The following IL1RAP variants were observed in gnomAD, a reference collection of about 807,000 sequenced individuals.
IL1RAP encodes interleukin-1 receptor accessory protein.
Under a neutral mutation model 60.7 loss-of-function variants are expected in IL1RAP, and 35 were observed. That is an observed-to-expected ratio of 0.58 (90% confidence interval 0.44 to 0.76). The LOEUF (loss-of-function observed/expected upper bound fraction) is 0.76. Ranked by LOEUF, IL1RAP falls within the 30% of genes least tolerant of loss-of-function variation. IL1RAP has a pLI of 0.00. For missense variants in IL1RAP, 572 were observed against 693.9 expected, an observed-to-expected ratio of 0.82 and a Z score of 1.97; for synonymous variants, 268 against 250.9, an observed-to-expected ratio of 1.07 and a Z score of -0.64.
At chr3:190,559,845 A>G (rs554972445) in intron 2 of IL1RAP, among the ~76,000 whole-genome samples, 1 of 152,310 alleles carries the variant, frequency 6.6e-6, no homozygotes, top group African/African-American at 2.4e-5. Context: ...TACTTTTAGA[A>G]TCCTCAAACA....
exon 12 of IL1RAP, chr3:190,658,551 C>T (rs758157457): frequency 5.9e-5 from 9 of 152,132 alleles, no homozygotes; most frequent in South Asian, 2.1e-4. Flanking sequence ...ATAAGAAGAA[C>T]GAAGTCTGCT....
chr3:190,582,122 T>C (rs1055167485), intron 3 of IL1RAP, among the ~76,000 whole-genome samples: 1 of 152,210 alleles, frequency 6.6e-6, no homozygotes, highest in African/African-American at 2.4e-5. Flanking sequence ...TTAATTTGCT[T>C]AGTTCTTGAC....
rs1236671977 is a variant in IL1RAP, at chr3:190,651,068, A to G, written c.*2363A>G. The G allele has an allele frequency of 1.0e-6, 1 of 985,004 alleles. No homozygotes were observed. The highest frequency in any genetic ancestry group is 1.7e-5 in the African/African-American group (1 of 57,230). The allele number at this position is 985,004 out of a possible 1,614,324, so 61.0% of individuals were successfully genotyped here. Reference sequence around the variant, plus strand: ...GTATCATTGCAAGAGAATTTGTTTCAAGATTTTTTTTTAATGTTCCAGAAG... The same window carrying G: ...GTATCATTGCAAGAGAATTTGTTTCGAGATTTTTTTTTAATGTTCCAGAAG... On this transcript the variant is annotated 3_prime_UTR_variant, in exon 12 of 12. Coordinates refer to ENST00000447382, the MANE Select transcript of IL1RAP (RefSeq NM_002182.4).
rs575314133 is a variant in IL1RAP, at chr3:190,630,244, TG to T, written c.1051+748del. On this transcript the variant is annotated intron_variant, in intron 9 of 11. Transcript: ENST00000447382. ...TAGTACTATATTATTCTACAATAAA[TG>T]GAAATTATAAAGCCTTCTTGTCAGA... The T allele has an allele frequency of 3.5e-5, 30 of 858,166 alleles. No individual in the cohort carries two copies. In the African/African-American group the frequency reaches 5.3e-4, roughly 15 times the overall value. 53.2% of individuals were successfully genotyped at this position (858,166 alleles called of 1,614,324 possible).
At chr3:190,556,537 G>A (rs771277430) in intron 2 of IL1RAP, among the ~76,000 whole-genome samples, 2 of 152,150 alleles carry the variant, frequency 1.3e-5, no homozygotes, top group Non-Finnish European at 2.9e-5. Flanking sequence ...GAAACCTCCT[G>A]AGCCACGATT....
At chr3:190,554,027 C>T (rs7640668) in intron 1 of IL1RAP, among the ~76,000 whole-genome samples, 2 of 139,314 alleles carry the variant, frequency 1.4e-5, no homozygotes, top group African/African-American at 5.5e-5. Flanking sequence ...CGCCACTGCA[C>T]TCCAGCCTGG....
At chr3:190,631,123 C>G (rs557521229) in intron 9 of IL1RAP, among the ~76,000 whole-genome samples, 107 of 152,230 alleles carry the variant, frequency 7.0e-4, no homozygotes, top group African/African-American at 2.6e-3. Flanking sequence ...ATGGGAATAT[C>G]TGCGGGAAGT....
At position 190,649,713 on chromosome 3, in the gene IL1RAP, G is replaced by C. The variant is rs554925924; in HGVS notation, c.*1008G>C. ...GGCGGAGGTCAGTCTTAGTGGCCTT[G>C]AGAGTTGCTTTTGGCATTAATATTC... On this transcript the variant is annotated 3_prime_UTR_variant, in exon 12 of 12. Transcript: ENST00000447382. 1.0e-6 allele frequency: 1 copy of C among 985,802 alleles called. No homozygotes were observed. The highest frequency in any genetic ancestry group is 6.1e-5 in the Admixed American group (1 of 16,286). 61.1% of individuals were successfully genotyped at this position (985,802 alleles called of 1,614,324 possible).
rs772011861 is a variant in IL1RAP, at chr3:190,648,443, A to G, written c.1451A>G (p.Lys484Arg). ...GGAACCCAAGCCCTCCTGGAGCTCA[A>G]GGCTGGCCTAGAAAATATGGCCTCT... The part of the protein sequence containing the change: ...LQGTQALLEL[K>R]AGLENMASRG... The change falls in exon 12 of 12, where the codon AAG becomes AGG. Residue 484 changes from lysine (K) to arginine (R), a missense_variant. By Grantham distance (26) the Lys-to-Arg change is conservative. Transcript: ENST00000447382. 6.2e-7 allele frequency: 1 copy of G among 1,614,148 alleles called. No individual in the cohort carries two copies. The highest frequency in any genetic ancestry group is 1.1e-5 in the South Asian group (1 of 91,078).
chr3:190,575,631 C>T (rs13320299), intron 3 of IL1RAP, among the ~76,000 whole-genome samples: 4,341 of 152,176 alleles, frequency 0.029, 228 homozygotes, highest in African/African-American at 0.099. Flanking sequence ...AAACATGCGA[C>T]GAAGAGGAAG....
At chr3:190,565,975 C>G (rs969518741) in intron 3 of IL1RAP, among the ~76,000 whole-genome samples, 2 of 151,774 alleles carry the variant, frequency 1.3e-5, no homozygotes, top group Admixed American at 6.6e-5. Context: ...CTCCTCCTCC[C>G]TCTTCCTCTT....
chr3:190,609,675 G>A (rs1045135287), intron 5 of IL1RAP, among the ~76,000 whole-genome samples: 5 of 152,112 alleles, frequency 3.3e-5, no homozygotes, highest in Non-Finnish European at 5.9e-5. Flanking sequence ...GGAAGGTAGC[G>A]CTTGTAGCAG....
chr3:190,604,542 C>CTGCAGCTT, intron 4 of IL1RAP, 129 bp downstream of exon 4: 1 of 988,524 alleles, frequency 1.0e-6, no homozygotes, highest in Non-Finnish European at 1.5e-6. Context: ...AGGTAATTGT[C>CTGCAGCTT]TGCAGCTTAG....
Position 190,604,186 on chromosome 3 carries a change from G to A in IL1RAP, c.123G>A (p.Glu41=), listed in dbSNP as rs768922676. ...TMRQIQVFED[E]PARIKCPLFE... is the part of the protein sequence containing the mutation. ...GGCAAATCCAAGTGTTTGAAGATGA[G>A]CCAGCTCGCATCAAGTGCCCACTCT... The change falls in exon 4 of 12, where the codon GAG becomes GAA. Residue 41 remains glutamate, a synonymous_variant. Transcript: ENST00000447382. The A allele has an allele frequency of 5.6e-6, 9 of 1,613,930 alleles. No homozygotes were observed. The highest frequency in any genetic ancestry group is 7.6e-6 in the Non-Finnish European group (9 of 1,179,986).
intron 9 of IL1RAP, among the ~76,000 whole-genome samples, chr3:190,635,891 C>T (rs774004050): frequency 6.6e-6 from 1 of 152,100 alleles, no homozygotes; most frequent in Non-Finnish European, 1.5e-5. Flanking sequence ...GTTCAAGTTC[C>T]GGACTCAGTG....
intron 1 of IL1RAP, among the ~76,000 whole-genome samples, chr3:190,540,875 C>T (rs1404388190): frequency 6.6e-6 from 1 of 152,072 alleles, no homozygotes; most frequent in African/African-American, 2.4e-5. Flanking sequence ...TTTATGAAGC[C>T]AAACAGCCCA....
rs1446088701 is a variant in IL1RAP at position 190,649,508 on chromosome 3, TCTC to T, written c.*806_*808del. 1 of 985,796 alleles carries T rather than the reference TCTC, an allele frequency of 1.0e-6. No homozygotes were observed. Among genetic ancestry groups the T allele is most frequent in the Non-Finnish European group, 1.2e-6 (1 of 829,916 alleles). The allele number at this position is 985,796 out of a possible 1,614,324, so 61.1% of individuals were successfully genotyped here. On this transcript the variant is annotated 3_prime_UTR_variant, in exon 12 of 12. Coordinates refer to ENST00000447382, the MANE Select transcript of IL1RAP (RefSeq NM_002182.4). ...CATACTAGGTTCAGTCTGAAAGAAA[TCTC>T]CTAATGGTGCTATAGAGAGGGAGGT...
At chr3:190,587,369 T>C (rs754762276) in intron 3 of IL1RAP, among the ~76,000 whole-genome samples, 5 of 152,084 alleles carry the variant, frequency 3.3e-5, no homozygotes, top group Non-Finnish European at 7.4e-5. Context: ...TTATGAAGAG[T>C]GAAAATGATA....
intron 4 of IL1RAP, among the ~76,000 whole-genome samples, chr3:190,607,071 C>A (rs1269203972): frequency 6.6e-6 from 1 of 152,140 alleles, no homozygotes; most frequent in Non-Finnish European, 1.5e-5. Flanking sequence ...TACCACTCCC[C>A]CTTGCCACCT....
Sources: allele counts gnomAD v4.1 joint callset (sites outside exome capture counted in the v4.1 genomes callset), GRCh38; gene constraint gnomAD v4.1.1; transcripts MANE v1.5; gene names NCBI Gene and HGNC (gene_info 2026-07-23, HGNC 2026-07-21).